Variants in CCSER1 observed in about 807,000 individuals in gnomAD.
CCSER1 encodes serine-rich coiled-coil domain-containing protein 1.
A neutral mutation model predicts 82.0 loss-of-function variants in CCSER1; 41 were observed. The observed-to-expected ratio is 0.50, with a 90% confidence interval of 0.39 to 0.65. The LOEUF (loss-of-function observed/expected upper bound fraction) is 0.65. CCSER1 is among the 30% of genes least tolerant of loss of function. CCSER1 has a pLI of 0.00. For missense variants in CCSER1, 1,119 were observed against 1,064.2 expected (o/e 1.05, Z -0.72); for synonymous variants, 414 against 383.9 (o/e 1.08, Z -0.92).
chr4:90,973,660 A>G (rs1254634698), intron 9 of CCSER1, among the ~76,000 whole-genome samples: 1 of 151,752 alleles, frequency 6.6e-6, no homozygotes, highest in African/African-American at 2.4e-5. Flanking sequence ...ACTTCTGGGT[A>G]TATATCCAAA....
intron 9 of CCSER1, among the ~76,000 whole-genome samples, chr4:90,956,340 G>A (rs979372794): frequency 2.6e-5 from 4 of 151,906 alleles, no homozygotes; most frequent in Non-Finnish European, 4.4e-5. Flanking sequence ...TCATTTCTTC[G>A]TATAGAAAAA....
chr4:90,209,483 A>G (rs897714558), intron 1 of CCSER1, among the ~76,000 whole-genome samples: 2 of 152,104 alleles, frequency 1.3e-5, no homozygotes, highest in African/African-American at 4.8e-5. Flanking sequence ...TTGGAGTAGA[A>G]GTCTGGCCAT....
chr4:91,464,405 A>C (rs1489056416), intron 10 of CCSER1, among the ~76,000 whole-genome samples: 1 of 152,186 alleles, frequency 6.6e-6, no homozygotes, highest in African/African-American at 2.4e-5. Context: ...AAATATGCCA[A>C]AATATAAAGA....
chr4:90,986,287 TC>T (rs1160214920), intron 9 of CCSER1, among the ~76,000 whole-genome samples: 1 of 151,812 alleles, frequency 6.6e-6, no homozygotes, highest in African/African-American at 2.4e-5. Flanking sequence ...TGTTTCATAT[TC>T]AAAACTAGCT....
intron 7 of CCSER1, among the ~76,000 whole-genome samples, chr4:90,755,157 C>T (rs1749295396): frequency 6.6e-6 from 1 of 152,036 alleles, no homozygotes; most frequent in Non-Finnish European, 1.5e-5. Context: ...TGCAAATAAG[C>T]CTAGAAAATA....
intron 8 of CCSER1, among the ~76,000 whole-genome samples, chr4:90,864,549 G>GC (rs960646547): frequency 1.3e-5 from 2 of 151,842 alleles, no homozygotes; most frequent in African/African-American, 2.4e-5. Context: ...ATAAGGTGTG[G>GC]CCCCCCAATC....
At chr4:90,765,768 T>A (rs938260575) in intron 7 of CCSER1, among the ~76,000 whole-genome samples, 10 of 152,128 alleles carry the variant, frequency 6.6e-5, no homozygotes, top group African/African-American at 2.4e-4. Context: ...GATACATTGA[T>A]AAGGCTTATA....
At chr4:90,862,907 C>CTTTTTT (rs548953621) in intron 8 of CCSER1, among the ~76,000 whole-genome samples, 1 of 122,122 alleles carries the variant, frequency 8.2e-6, no homozygotes. Context: ...TATTTTTTGT[C>CTTTTTT]TTTTTTTTTT....
intron 10 of CCSER1, among the ~76,000 whole-genome samples, chr4:91,228,738 A>G (rs938077892): frequency 2.6e-5 from 4 of 152,092 alleles, no homozygotes; most frequent in Middle Eastern, 3.2e-3. Context: ...CCTCATAGCA[A>G]AAAAATAAGA....
At chr4:90,835,044 C>T (rs541193768) in intron 8 of CCSER1, among the ~76,000 whole-genome samples, 43 of 152,060 alleles carry the variant, frequency 2.8e-4, no homozygotes, top group Admixed American at 2.1e-3. Context: ...TTAATTTTAC[C>T]TTTTTCTCGC....
intron 9 of CCSER1, among the ~76,000 whole-genome samples, chr4:90,995,606 C>T (rs1482238678): frequency 2.0e-5 from 3 of 152,052 alleles, no homozygotes; most frequent in Middle Eastern, 3.2e-3. Flanking sequence ...TCACAGCCAA[C>T]ATTTAAAACA....
chr4:90,704,253 G>T (rs931809183), intron 6 of CCSER1, among the ~76,000 whole-genome samples: 42 of 152,156 alleles, frequency 2.8e-4, no homozygotes, highest in African/African-American at 7.0e-4. Flanking sequence ...GGCTGGATAT[G>T]AAATTCTGGG....
chr4:91,429,936 G>A (rs1167718890), intron 10 of CCSER1, among the ~76,000 whole-genome samples: 1 of 151,662 alleles, frequency 6.6e-6, no homozygotes, highest in African/African-American at 2.4e-5. Flanking sequence ...ATAGATCTGA[G>A]ACATACAACC....
chr4:91,021,023 G>A (rs189423369), intron 9 of CCSER1, among the ~76,000 whole-genome samples: 5 of 152,144 alleles, frequency 3.3e-5, no homozygotes, highest in African/African-American at 7.2e-5. Flanking sequence ...CTTAAAGAAA[G>A]GTTTTTTACA....
rs892761246 is a variant in CCSER1, at chr4:90,324,228, A to C, written c.1509+11181A>C. ...TCAAATGGTATTTCTAGTTCTAGAT[A>C]CCTGAGGAATCGCCACACTGACTTC... On this transcript the variant is annotated intron_variant, in intron 3 of 10. Coordinates refer to ENST00000509176, the MANE Select transcript of CCSER1 (RefSeq NM_001145065.2). Among the ~76,000 whole-genome samples, 243 of 152,264 alleles carry C rather than the reference A, an allele frequency of 1.6e-3. 1 individual carries two copies. The highest frequency in any genetic ancestry group is 2.1e-3 in the East Asian group (11 of 5,184).
chr4:91,513,476 T>C (rs1759935802), intron 10 of CCSER1, among the ~76,000 whole-genome samples: 2 of 152,176 alleles, frequency 1.3e-5, no homozygotes, highest in African/African-American at 4.8e-5. Flanking sequence ...GCTGGCTTTG[T>C]AGAATGAGTT....
intron 10 of CCSER1, among the ~76,000 whole-genome samples, chr4:91,427,125 G>A (rs977554930): frequency 1.3e-5 from 2 of 152,118 alleles, no homozygotes; most frequent in African/African-American, 4.8e-5. Context: ...AACAGATAAG[G>A]AAGATAGAAG....
At chr4:91,595,261 C>T (rs1764511089) in intron 10 of CCSER1, among the ~76,000 whole-genome samples, 1 of 152,122 alleles carries the variant, frequency 6.6e-6, no homozygotes, top group Non-Finnish European at 1.5e-5. Flanking sequence ...CTCACTCTGC[C>T]TGACTCTGCT....
At position 91,390,493 on chromosome 4, in the gene CCSER1, G is replaced by C. The variant is rs1184049248; in HGVS notation, c.2218-208079G>C. Among the ~76,000 whole-genome samples the C allele has an allele frequency of 4.6e-5, 7 of 151,788 alleles. 1 individual carries two copies. The East Asian group carries it at 1.4e-3, about 29-fold the overall frequency. ...TGTTAAAGAAAGGTATCACTCTGTG[G>C]TTTTAGTTTTTTCAATGCATTTGTC... On this transcript the variant is annotated intron_variant, in intron 10 of 10. Transcript: ENST00000509176.
Sources: gnomAD v4.1 joint callset for allele counts (sites outside exome capture counted in the v4.1 genomes callset) on GRCh38, gnomAD v4.1.1 for gene constraint, MANE v1.5 for transcripts, NCBI Gene and HGNC (gene_info 2026-07-23, HGNC 2026-07-21) for gene names.